The following PPA2 variants were observed in gnomAD, a reference collection of about 807,000 sequenced individuals.
PPA2 encodes inorganic pyrophosphatase 2.
A neutral mutation model predicts 49.5 loss-of-function variants in PPA2; 48 were observed. The ratio of observed to expected loss-of-function variants is 0.97; its 90% CI spans 0.77 to 1.23. The LOEUF (loss-of-function observed/expected upper bound fraction) is 1.23. Ranked by LOEUF, PPA2 falls within the 50% of genes most tolerant of loss-of-function variation. The pLI, the probability that PPA2 is intolerant of heterozygous loss-of-function variation, is 0.00. For synonymous variants in PPA2, 131 were observed against 139.9 expected (o/e 0.94, Z 0.45); for missense variants, 429 against 410.1 (o/e 1.05, Z -0.40).
chr4:105,391,321 A>T (rs2726493), intron 9 of PPA2, among the ~76,000 whole-genome samples: 1 of 140,042 alleles, frequency 7.1e-6, no homozygotes, highest in African/African-American at 2.7e-5. Context: ...TGTTCTGCAC[A>T]TGTATCCTGG....
At chr4:105,467,570 A>C (rs1384184747) in intron 1 of PPA2, among the ~76,000 whole-genome samples, 3 of 152,218 alleles carry the variant, frequency 2.0e-5, no homozygotes, top group Non-Finnish European at 4.4e-5. Context: ...ACATTTTAAA[A>C]GGATGAAGGT....
At chr4:105,439,244 T>G (rs1724221248) in intron 5 of PPA2, among the ~76,000 whole-genome samples, 2 of 152,174 alleles carry the variant, frequency 1.3e-5, no homozygotes, top group South Asian at 4.1e-4. Context: ...AACACAGAGT[T>G]TAAACTTGCA....
chr4:105,372,183 G>A (rs1733053520), intron 10 of PPA2, among the ~76,000 whole-genome samples: 2 of 152,190 alleles, frequency 1.3e-5, no homozygotes, highest in Admixed American at 6.5e-5. Context: ...GGTCTAGAAT[G>A]GGGGCATGCC....
intron 7 of PPA2, among the ~76,000 whole-genome samples, chr4:105,418,436 T>G (rs1051068147): frequency 1.3e-5 from 2 of 152,240 alleles, no homozygotes; most frequent in African/African-American, 4.8e-5. Flanking sequence ...TATTTTTGCC[T>G]TGAAAGAGAG....
intron 6 of PPA2, among the ~76,000 whole-genome samples, chr4:105,426,478 C>G (rs185448629): frequency 6.6e-6 from 1 of 152,284 alleles, no homozygotes; most frequent in African/African-American, 2.4e-5. Context: ...GCACACCTGC[C>G]CAAAATACCA....
At chr4:105,442,081 T>G (rs1724397861) in intron 5 of PPA2, among the ~76,000 whole-genome samples, 1 of 151,830 alleles carries the variant, frequency 6.6e-6, no homozygotes, top group African/African-American at 2.4e-5. Flanking sequence ...CATAGCTCAC[T>G]GCAACCTTAA....
At chr4:105,416,349 C>T (rs191107507) in intron 7 of PPA2, among the ~76,000 whole-genome samples, 18 of 152,206 alleles carry the variant, frequency 1.2e-4, no homozygotes, top group African/African-American at 4.1e-4. Context: ...TATCTCTTTG[C>T]CCTTATTATA....
chr4:105,452,430 T>C (rs1264211354), intron 3 of PPA2, among the ~76,000 whole-genome samples: 2 of 152,164 alleles, frequency 1.3e-5, no homozygotes, highest in Non-Finnish European at 2.9e-5. Context: ...AGAATACTTG[T>C]GAAATACCTA....
At chr4:105,373,798 C>CA in intron 10 of PPA2, among the ~76,000 whole-genome samples, 1 of 150,478 alleles carries the variant, frequency 6.6e-6, no homozygotes, top group Non-Finnish European at 1.5e-5. Flanking sequence ...CACACACACC[C>CA]CATCATAGGT....
chr4:105,448,218 C>T, intron 4 of PPA2: 2 of 202,690 alleles, frequency 9.9e-6, no homozygotes, highest in East Asian at 3.3e-4. Flanking sequence ...AATGATGAAA[C>T]ATTATACATG....
intron 9 of PPA2, among the ~76,000 whole-genome samples, chr4:105,391,274 C>T (rs1733907203): frequency 7.0e-6 from 1 of 143,880 alleles, no homozygotes; most frequent in Non-Finnish European, 1.5e-5. Flanking sequence ...TGCAGCAAAC[C>T]ACCATGGCAC....
intron 5 of PPA2, among the ~76,000 whole-genome samples, chr4:105,438,683 G>A (rs1250773085): frequency 6.6e-6 from 1 of 152,106 alleles, no homozygotes; most frequent in African/African-American, 2.4e-5. Context: ...AATGAAGACT[G>A]TAATAGAAAT....
intron 6 of PPA2, among the ~76,000 whole-genome samples, chr4:105,432,342 CA>C (rs1292374895): frequency 2.6e-5 from 4 of 151,622 alleles, no homozygotes; most frequent in African/African-American, 7.3e-5. Flanking sequence ...AAACGTCAAT[CA>C]AAAAAATACA....
intron 7 of PPA2, among the ~76,000 whole-genome samples, chr4:105,402,552 C>G (rs1722260108): frequency 6.6e-6 from 1 of 152,052 alleles, no homozygotes; most frequent in African/African-American, 2.4e-5. Flanking sequence ...TAAGAAAGTC[C>G]CATGGCTAGA....
intron 6 of PPA2, among the ~76,000 whole-genome samples, chr4:105,432,155 G>A (rs1308945740): frequency 6.6e-6 from 1 of 152,132 alleles, no homozygotes. Context: ...TTATATACAT[G>A]TCAAAATGAA....
chr4:105,413,763 T>C (rs201644577), intron 7 of PPA2, among the ~76,000 whole-genome samples: 12 of 152,158 alleles, frequency 7.9e-5, no homozygotes, highest in East Asian at 7.7e-4. Context: ...AAGACTCGAT[T>C]GTAAAGATAA....
intron 1 of PPA2, 35 bp downstream of exon 1, chr4:105,473,859 G>A: frequency 1.3e-6 from 2 of 1,572,570 alleles, no homozygotes; most frequent in East Asian, 2.3e-5. Context: ...GGTTTCTCCG[G>A]TGCGCCGCTC....
intron 3 of PPA2, among the ~76,000 whole-genome samples, chr4:105,450,625 T>TTTTTTTTTTTA (rs70938186): frequency 1.1e-5 from 1 of 91,724 alleles, no homozygotes; most frequent in Admixed American, 1.1e-4. Context: ...TTTTTTTTTT[T>TTTTTTTTTTTA]GAGACGGAGT....
At chr4:105,399,284 T>C in intron 7 of PPA2, 120 bp from the exon 8 acceptor site, 1 of 938,678 alleles carries the variant, frequency 1.1e-6, no homozygotes, top group South Asian at 1.8e-5. Context: ...GAAGCACAAT[T>C]GATTGTGATA....
Sources: gnomAD v4.1 joint callset for allele counts (sites outside exome capture counted in the v4.1 genomes callset) on GRCh38, gnomAD v4.1.1 for gene constraint, MANE v1.5 for transcripts, NCBI Gene and HGNC (gene_info 2026-07-23, HGNC 2026-07-21) for gene names.